The following PRDM5 variants were observed in gnomAD, a reference collection of about 807,000 sequenced individuals.
PRDM5 encodes PR/SET domain 5.
A neutral mutation model predicts 81.2 loss-of-function variants in PRDM5; 56 were observed. That is an observed-to-expected ratio of 0.69 (90% CI 0.56 to 0.86). The LOEUF is 0.86. Ranked by LOEUF, PRDM5 falls within the 40% of genes least tolerant of loss-of-function variation. PRDM5 has a pLI of 0.00. For missense variants in PRDM5, 697 were observed against 770.1 expected (o/e 0.91, Z 1.12); for synonymous variants, 267 against 256.4 (o/e 1.04, Z -0.39).
intron 10 of PRDM5, among the ~76,000 whole-genome samples, chr4:120,793,243 C>T (rs1326984365): frequency 1.3e-5 from 2 of 152,090 alleles, no homozygotes; most frequent in African/African-American, 4.8e-5. Context: ...GTGAACTGCA[C>T]ACACAAGGGA....
At chr4:120,734,303 T>G (rs538990961) in intron 14 of PRDM5, among the ~76,000 whole-genome samples, 1 of 151,796 alleles carries the variant, frequency 6.6e-6, no homozygotes, top group East Asian at 1.9e-4. Context: ...TCTTTATAAG[T>G]ATTGATGCAG....
chr4:120,701,041 C>T (rs934112785), intron 15 of PRDM5, among the ~76,000 whole-genome samples: 1 of 152,016 alleles, frequency 6.6e-6, no homozygotes, highest in East Asian at 1.9e-4. Flanking sequence ...AGGAGAATTG[C>T]TTGAACCTGG....
chr4:120,868,925 T>C (rs1180306149), intron 2 of PRDM5, among the ~76,000 whole-genome samples: 2 of 152,264 alleles, frequency 1.3e-5, no homozygotes, highest in African/African-American at 4.8e-5. Context: ...AATCTACTCA[T>C]TAATATGCAA....
chr4:120,712,438 C>T (rs1360171970), intron 14 of PRDM5, among the ~76,000 whole-genome samples: 1 of 152,144 alleles, frequency 6.6e-6, no homozygotes, highest in African/African-American at 2.4e-5. Flanking sequence ...GAGAGACATA[C>T]ATCTGCCCAC....
chr4:120,741,954 T>C (rs1018425503), intron 14 of PRDM5, among the ~76,000 whole-genome samples: 1 of 152,224 alleles, frequency 6.6e-6, no homozygotes, highest in African/African-American at 2.4e-5. Context: ...CCTGCCTCTG[T>C]AGGCTCCACC....
At chr4:120,742,176 C>A (rs1051622740) in intron 14 of PRDM5, among the ~76,000 whole-genome samples, 4 of 152,198 alleles carry the variant, frequency 2.6e-5, no homozygotes, top group Admixed American at 6.5e-5. Context: ...CACACTAACA[C>A]CTCACACTGC....
chr4:120,863,229 T>C (rs894302572), intron 2 of PRDM5, among the ~76,000 whole-genome samples: 38 of 102,764 alleles, frequency 3.7e-4, no homozygotes, highest in Middle Eastern at 5.9e-3. Context: ...CACACACATA[T>C]ATATGTATAT....
At chr4:120,909,834 A>G (rs1026428667) in intron 1 of PRDM5, among the ~76,000 whole-genome samples, 6 of 58,804 alleles carry the variant, frequency 1.0e-4, no homozygotes, top group Non-Finnish European at 2.1e-4. Flanking sequence ...TTAATAGAGA[A>G]CAATCACTCT....
chr4:120,730,292 AT>A (rs1454269974), intron 14 of PRDM5, among the ~76,000 whole-genome samples: 3 of 152,156 alleles, frequency 2.0e-5, no homozygotes, highest in Non-Finnish European at 4.4e-5. Context: ...CAATAAGGAT[AT>A]TTTACGTATT....
At chr4:120,779,934 A>AAG (rs1553965237) in intron 12 of PRDM5, among the ~76,000 whole-genome samples, 1 of 151,148 alleles carries the variant, frequency 6.6e-6, no homozygotes, top group East Asian at 1.9e-4. Context: ...ACAAACAAAC[A>AAG]ATATATATAT....
intron 3 of PRDM5, among the ~76,000 whole-genome samples, chr4:120,841,761 T>G (rs1385351739): frequency 2.0e-5 from 3 of 152,178 alleles, no homozygotes; most frequent in Non-Finnish European, 4.4e-5. Context: ...TTTAATTTCC[T>G]CCTCTGGTAA....
intron 13 of PRDM5, among the ~76,000 whole-genome samples, chr4:120,775,645 T>C (rs574005738): frequency 6.6e-6 from 1 of 152,320 alleles, no homozygotes; most frequent in East Asian, 1.9e-4. Context: ...ATATAATACA[T>C]GTTTCCTATT....
At chr4:120,824,907 G>A (rs1050834282) in intron 3 of PRDM5, among the ~76,000 whole-genome samples, 3 of 152,066 alleles carry the variant, frequency 2.0e-5, no homozygotes, top group Non-Finnish European at 4.4e-5. Context: ...GAAATCGTGA[G>A]TACTTTGTAT....
At chr4:120,853,619 G>A (rs1354374603) in intron 2 of PRDM5, 79 bp from the exon 3 acceptor site, 10 of 1,576,502 alleles carry the variant, frequency 6.3e-6, no homozygotes, top group East Asian at 4.5e-5. Flanking sequence ...AGGACATGAC[G>A]TTTTTTCATA....
intron 1 of PRDM5, 122 bp downstream of exon 1, chr4:120,922,394 G>A (rs1725065223): frequency 1.7e-6 from 2 of 1,142,896 alleles, no homozygotes; most frequent in South Asian, 8.6e-5. Flanking sequence ...CGCCTGGCCC[G>A]GCCCGGGCGA....
intron 2 of PRDM5, among the ~76,000 whole-genome samples, chr4:120,903,395 A>T (rs1487812644): frequency 6.6e-6 from 1 of 152,240 alleles, no homozygotes; most frequent in Non-Finnish European, 1.5e-5. Context: ...CTCCAAAGCT[A>T]AAATAATAAA....
chr4:120,718,702 C>G (rs1347474294), intron 14 of PRDM5, among the ~76,000 whole-genome samples: 1 of 152,152 alleles, frequency 6.6e-6, no homozygotes, highest in Non-Finnish European at 1.5e-5. Flanking sequence ...CCATGAGGCA[C>G]AGATTTGGTG....
chr4:120,851,505 G>A (rs1759272389), intron 3 of PRDM5, among the ~76,000 whole-genome samples: 1 of 151,784 alleles, frequency 6.6e-6, no homozygotes, highest in Admixed American at 6.6e-5. Flanking sequence ...CTTGTGGTTG[G>A]ATCAATGGCC....
At chr4:120,828,120 G>A (rs1375623608) in intron 3 of PRDM5, among the ~76,000 whole-genome samples, 2 of 152,052 alleles carry the variant, frequency 1.3e-5, no homozygotes, top group East Asian at 3.9e-4. Flanking sequence ...TTGGGAGTCA[G>A]ATAGACTTGA....
Sources: allele counts gnomAD v4.1 joint callset (sites outside exome capture counted in the v4.1 genomes callset), GRCh38; gene constraint gnomAD v4.1.1; transcripts MANE v1.5; gene names NCBI Gene and HGNC (gene_info 2026-07-23, HGNC 2026-07-21).